The following TRHDE variants were observed in gnomAD, a reference collection of about 807,000 sequenced individuals.
The protein encoded by TRHDE is thyrotropin-releasing hormone-degrading ectoenzyme.
TRHDE carries 72 observed loss-of-function variants against 125.7 expected under a neutral mutation model. That is an observed-to-expected ratio of 0.57 (90% CI 0.47 to 0.70). The LOEUF is 0.70. TRHDE is among the 30% of genes least tolerant of loss of function. The pLI, the probability that TRHDE is intolerant of heterozygous loss-of-function variation, is 0.00. For missense variants in TRHDE, 1,110 were observed against 1,327.1 expected (o/e 0.84, Z 2.54); for synonymous variants, 509 against 509.1 (o/e 1.00, Z 0.00).
At chr12:72,545,369 C>T (rs1439628806) in intron 7 of TRHDE, among the ~76,000 whole-genome samples, 2 of 151,382 alleles carry the variant, frequency 1.3e-5, no homozygotes, top group African/African-American at 4.8e-5. Flanking sequence ...GTCACTAGAC[C>T]TCTCTTGACC....
intron 15 of TRHDE, among the ~76,000 whole-genome samples, chr12:72,638,597 T>C (rs1350269103): frequency 5.3e-5 from 8 of 152,234 alleles, no homozygotes; most frequent in South Asian, 2.1e-4. Flanking sequence ...TTCTTCCTAG[T>C]CTCGATGGTC....
intron 2 of TRHDE, among the ~76,000 whole-genome samples, chr12:72,294,549 T>G (rs1287546608): frequency 6.6e-6 from 1 of 152,270 alleles, no homozygotes; most frequent in Non-Finnish European, 1.5e-5. Flanking sequence ...TCTGGATGTC[T>G]GCTCAGCTCT....
chr12:72,322,874 A>G (rs956156711), intron 2 of TRHDE, among the ~76,000 whole-genome samples: 1 of 152,154 alleles, frequency 6.6e-6, no homozygotes, highest in East Asian at 1.9e-4. Context: ...TAGGGGGTGC[A>G]GAAGCCTGGC....
intron 2 of TRHDE, among the ~76,000 whole-genome samples, chr12:72,198,350 T>G (rs1877485974): frequency 6.6e-6 from 1 of 152,160 alleles, no homozygotes; most frequent in Non-Finnish European, 1.5e-5. Context: ...TATCTGCTTG[T>G]TCCTTTTTTA....
intron 2 of TRHDE, among the ~76,000 whole-genome samples, chr12:72,235,111 A>G (rs1878315614): frequency 6.6e-6 from 1 of 152,108 alleles, no homozygotes; most frequent in African/African-American, 2.4e-5. Context: ...CTTAAGTATT[A>G]TGTAACACGA....
At chr12:72,278,447 A>G (rs1398626899) in intron 1 of TRHDE, among the ~76,000 whole-genome samples, 3 of 152,168 alleles carry the variant, frequency 2.0e-5, no homozygotes, top group Non-Finnish European at 4.4e-5. Flanking sequence ...TTGGATATAT[A>G]ATCCACCAGT....
At chr12:72,184,913 C>T (rs981788745) in intron 2 of TRHDE, among the ~76,000 whole-genome samples, 3 of 152,228 alleles carry the variant, frequency 2.0e-5, no homozygotes, top group African/African-American at 4.8e-5. Flanking sequence ...TTGGCACCTC[C>T]CCTGCCTGGG....
chr12:72,362,996 C>T (rs1871173816), intron 2 of TRHDE, among the ~76,000 whole-genome samples: 1 of 151,956 alleles, frequency 6.6e-6, no homozygotes, highest in African/African-American at 2.4e-5. Flanking sequence ...AGTCAGGTAG[C>T]ATGATGCCTC....
chr12:72,524,951 G>A (rs1283255360), intron 6 of TRHDE, among the ~76,000 whole-genome samples: 2 of 152,158 alleles, frequency 1.3e-5, no homozygotes, highest in Non-Finnish European at 2.9e-5. Flanking sequence ...TCCTTTTCAT[G>A]TGGAAAGTAT....
chr12:72,388,888 G>A (rs1184056774), intron 3 of TRHDE, among the ~76,000 whole-genome samples: 19 of 150,856 alleles, frequency 1.3e-4, no homozygotes, highest in Non-Finnish European at 2.2e-4. Flanking sequence ...GTATCTAGTT[G>A]CCTATCAGCT....
intron 2 of TRHDE, among the ~76,000 whole-genome samples, chr12:72,237,590 A>T (rs1461943340): frequency 6.6e-6 from 1 of 151,998 alleles, no homozygotes; most frequent in South Asian, 2.1e-4. Flanking sequence ...TTGGTGAGGG[A>T]GTTCTCACGA....
At chr12:72,462,322 A>T (rs975358633) in intron 3 of TRHDE, among the ~76,000 whole-genome samples, 1 of 152,168 alleles carries the variant, frequency 6.6e-6, no homozygotes, top group African/African-American at 2.4e-5. Flanking sequence ...CCATCTGTGA[A>T]TCGGAAGGGA....
chr12:72,328,587 G>C (rs1040162560), intron 2 of TRHDE, among the ~76,000 whole-genome samples: 14 of 151,960 alleles, frequency 9.2e-5, no homozygotes, highest in African/African-American at 3.4e-4. Context: ...CTTTATTCTA[G>C]ACACTTCTGG....
At chr12:72,484,713 A>G (rs1877324125) in intron 5 of TRHDE, among the ~76,000 whole-genome samples, 6 of 152,222 alleles carry the variant, frequency 3.9e-5, no homozygotes, top group Admixed American at 3.9e-4. Flanking sequence ...TAGAATATGT[A>G]TGAAACTATG....
In TRHDE at chr12:72,417,652, C is replaced by T. The variant is rs180838699; in HGVS notation, c.1315+39531C>T. ...TAGTGCTCTGTGACAGATTTTTCCC[C>T]CAAATCACTGAGCTGTGTGATTCTA... On this transcript the variant is annotated intron_variant, in intron 3 of 18. Coordinates refer to ENST00000261180, the MANE Select transcript of TRHDE (RefSeq NM_013381.3). Among the ~76,000 whole-genome samples, 591 of 151,994 alleles carry T rather than the reference C, an allele frequency of 3.9e-3. 1 individual carries two copies. The highest frequency in any genetic ancestry group is 0.014 in the African/African-American group (573 of 41,502).
chr12:72,499,414 G>A (rs1258830134), intron 5 of TRHDE, 84 bp from the exon 6 acceptor site: 2 of 1,488,062 alleles, frequency 1.3e-6, no homozygotes, highest in East Asian at 2.4e-5. Context: ...CAGCAATTAA[G>A]TGACACACAT....
intron 3 of TRHDE, among the ~76,000 whole-genome samples, chr12:72,440,440 A>T (rs1049941139): frequency 6.6e-6 from 1 of 152,056 alleles, no homozygotes; most frequent in African/African-American, 2.4e-5. Flanking sequence ...ATTTTTAAGA[A>T]TAAATTGGCA....
At chr12:72,547,412 T>A (rs1237857910) in intron 7 of TRHDE, among the ~76,000 whole-genome samples, 1 of 151,806 alleles carries the variant, frequency 6.6e-6, no homozygotes, top group Non-Finnish European at 1.5e-5. Flanking sequence ...TGAGTTGATT[T>A]GATTATATCA....
chr12:72,361,726 C>G (rs1169328007), intron 2 of TRHDE, among the ~76,000 whole-genome samples: 2 of 141,142 alleles, frequency 1.4e-5, no homozygotes, highest in Non-Finnish European at 3.1e-5. Flanking sequence ...CCCCACCCCA[C>G]AACAGTCCCC....
Sources: gnomAD v4.1 joint callset for allele counts (sites outside exome capture counted in the v4.1 genomes callset) on GRCh38, gnomAD v4.1.1 for gene constraint, MANE v1.5 for transcripts, NCBI Gene and HGNC (gene_info 2026-07-23, HGNC 2026-07-21) for gene names.